Variants in TENM3 observed in about 807,000 individuals in gnomAD.
The protein encoded by TENM3 is teneurin transmembrane protein 3, also known as teneurin-3.
In TENM3, 63 loss-of-function variants were observed where a neutral mutation model predicts 255.1. The ratio of observed to expected loss-of-function variants is 0.25; its 90% CI spans 0.20 to 0.30. The LOEUF is 0.30. TENM3 is among the 10% of genes least tolerant of loss of function. The pLI is 1.00. For missense variants in TENM3, 2,929 were observed against 3,461.1 expected, an observed-to-expected ratio of 0.85 and a Z score of 3.86; for synonymous variants, 1,306 against 1,322.3, an observed-to-expected ratio of 0.99 and a Z score of 0.27.
intron 24 of TENM3, among the ~76,000 whole-genome samples, chr4:182,785,017 C>T (rs185743571): frequency 1.3e-5 from 2 of 152,296 alleles, no homozygotes; most frequent in Non-Finnish European, 2.9e-5. Flanking sequence ...CCGTCTTCGG[C>T]GTCTCTCATG....
the TENM3 span, among the ~76,000 whole-genome samples, chr4:181,740,404 ATG>A: frequency 6.6e-6 from 1 of 152,186 alleles, no homozygotes; most frequent in African/African-American, 2.4e-5. Flanking sequence ...ATGAATATAT[ATG>A]TGTTATTCAG....
intron 3 of TENM3, among the ~76,000 whole-genome samples, chr4:182,405,822 AAACTC>A (rs1212107369): frequency 1.3e-5 from 2 of 152,202 alleles, no homozygotes; most frequent in Non-Finnish European, 2.9e-5. Context: ...GGCATGGCAT[AAACTC>A]AGGGACAGAA....
the TENM3 span, among the ~76,000 whole-genome samples, chr4:182,047,969 G>A: frequency 6.6e-6 from 1 of 152,100 alleles, no homozygotes; most frequent in African/African-American, 2.4e-5. Flanking sequence ...TCGATTCCCC[G>A]CAGTGGCCCC....
intron 4 of TENM3, among the ~76,000 whole-genome samples, chr4:182,611,871 G>A (rs977701542): frequency 2.0e-5 from 3 of 152,100 alleles, no homozygotes; most frequent in Admixed American, 2.0e-4. Flanking sequence ...GAACAGGTCA[G>A]CAAAATTGAA....
At chr4:181,740,661 C>T in the TENM3 span, among the ~76,000 whole-genome samples, 1 of 151,282 alleles carries the variant, frequency 6.6e-6, no homozygotes, top group African/African-American at 2.4e-5. Flanking sequence ...ATTACCAAAC[C>T]TACACATTCC....
the TENM3 span, among the ~76,000 whole-genome samples, chr4:181,921,216 G>A: frequency 6.6e-6 from 1 of 152,110 alleles, no homozygotes; most frequent in African/African-American, 2.4e-5. Context: ...TGGCAGTGCG[G>A]CCTCTTTTTT....
intron 5 of TENM3, among the ~76,000 whole-genome samples, chr4:182,643,147 CCAAT>C (rs1463253392): frequency 3.3e-5 from 5 of 152,168 alleles, no homozygotes; most frequent in African/African-American, 1.2e-4. Context: ...ATACATGTAG[CCAAT>C]CAAATGATTG....
At chr4:182,223,683 T>A (rs908185096) in intron 1 of TENM3, among the ~76,000 whole-genome samples, 1 of 151,894 alleles carries the variant, frequency 6.6e-6, no homozygotes, top group Non-Finnish European at 1.5e-5. Context: ...TCATAGTTGA[T>A]CTTTGCACTA....
At chr4:182,730,143 G>A in intron 14 of TENM3, 57 bp from the exon 15 acceptor site, 1 of 1,605,788 alleles carries the variant, frequency 6.2e-7, no homozygotes, top group Non-Finnish European at 8.5e-7. Context: ...TATAAATCAT[G>A]ATAATGTTGG....
chr4:182,499,473 A>G (rs1174566013), intron 3 of TENM3, among the ~76,000 whole-genome samples: 1 of 152,118 alleles, frequency 6.6e-6, no homozygotes, highest in Non-Finnish European at 1.5e-5. Flanking sequence ...CTTTCAGTGA[A>G]AAGCTGCCTA....
chr4:181,458,827 T>C, the TENM3 span, among the ~76,000 whole-genome samples: 1 of 152,024 alleles, frequency 6.6e-6, no homozygotes, highest in African/African-American at 2.4e-5. Context: ...TTGTAATCAA[T>C]TCCCTTGTTA....
At chr4:182,394,364 C>T (rs185781851) in intron 3 of TENM3, among the ~76,000 whole-genome samples, 78 of 152,196 alleles carry the variant, frequency 5.1e-4, no homozygotes, top group Admixed American at 3.8e-3. Context: ...GAAATACATG[C>T]GCATACAGAA....
At chr4:182,668,480 G>A (rs1264533493) in intron 6 of TENM3, among the ~76,000 whole-genome samples, 2 of 152,002 alleles carry the variant, frequency 1.3e-5, no homozygotes. Flanking sequence ...AAGATTCTGT[G>A]GTGTTATGAT....
At chr4:182,249,096 C>A (rs778584074) in intron 1 of TENM3, among the ~76,000 whole-genome samples, 1 of 152,154 alleles carries the variant, frequency 6.6e-6, no homozygotes, top group Non-Finnish European at 1.5e-5. Flanking sequence ...AATTAAGACA[C>A]AGACAGATTA....
chr4:181,889,970 C>A, the TENM3 span, among the ~76,000 whole-genome samples: 4 of 152,244 alleles, frequency 2.6e-5, no homozygotes, highest in East Asian at 7.7e-4. Flanking sequence ...TGGAAAATGT[C>A]ATCCTCTGAC....
chr4:182,770,751 C>A (rs907903856), intron 22 of TENM3, among the ~76,000 whole-genome samples: 2 of 152,196 alleles, frequency 1.3e-5, no homozygotes, highest in African/African-American at 4.8e-5. Flanking sequence ...CTCTGCTCAC[C>A]CAGACTTCTC....
chr4:182,649,258 CA>C (rs1291215801), intron 5 of TENM3, among the ~76,000 whole-genome samples: 1 of 150,444 alleles, frequency 6.6e-6, no homozygotes, highest in Non-Finnish European at 1.5e-5. Context: ...AACATTTGGA[CA>C]ACTTCTTATT....
At chr4:182,536,242 C>T (rs1324570171) in intron 3 of TENM3, among the ~76,000 whole-genome samples, 2 of 152,226 alleles carry the variant, frequency 1.3e-5, no homozygotes, top group African/African-American at 4.8e-5. Flanking sequence ...TGTCAACTGG[C>T]ACTGTCCAGA....
chr4:182,209,023 C>T (rs1029910910), intron 1 of TENM3, among the ~76,000 whole-genome samples: 4 of 149,238 alleles, frequency 2.7e-5, no homozygotes, highest in African/African-American at 7.4e-5. Flanking sequence ...GGCTGGAGTG[C>T]GGTGGCACAG....
Sources: allele counts gnomAD v4.1 joint callset (sites outside exome capture counted in the v4.1 genomes callset), GRCh38; gene constraint gnomAD v4.1.1; transcripts MANE v1.5; gene names NCBI Gene and HGNC (gene_info 2026-07-23, HGNC 2026-07-21).